The following GPC5 variants were observed in gnomAD, a reference collection of about 807,000 sequenced individuals.
The protein encoded by GPC5 is glypican-5.
GPC5 carries 47 observed loss-of-function variants against 53.9 expected under a neutral mutation model. That is an observed-to-expected ratio of 0.87 (90% CI 0.69 to 1.11). The LOEUF (loss-of-function observed/expected upper bound fraction) is 1.11, where lower values mean the gene tolerates loss of function less well. GPC5 is among the 50% of genes most tolerant of loss of function. The pLI is 0.00. For synonymous variants in GPC5, 286 were observed against 263.3 expected, an observed-to-expected ratio of 1.09 and a Z score of -0.84; for missense variants, 748 against 713.1, an observed-to-expected ratio of 1.05 and a Z score of -0.56.
chr13:92,104,255 G>T (rs1312870183), intron 6 of GPC5, among the ~76,000 whole-genome samples: 4 of 152,106 alleles, frequency 2.6e-5, no homozygotes. Flanking sequence ...GGTTTGTTTT[G>T]AAGGCTACCA....
intron 7 of GPC5, among the ~76,000 whole-genome samples, chr13:92,169,320 A>C (rs997252027): frequency 1.3e-5 from 2 of 152,244 alleles, no homozygotes; most frequent in Non-Finnish European, 2.9e-5. Context: ...CATCCTGTAC[A>C]TGTATCCTGG....
In GPC5 at chr13:91,639,977, A is replaced by T. The variant is rs566993157; in HGVS notation, c.326-53210A>T. ...AGGCTTGGGTTTTATTCACTATGTC[A>T]AGTTGTCCCTGTGTTGCTATATTTT... On this transcript the variant is annotated intron_variant, in intron 2 of 7. Coordinates refer to ENST00000377067, the MANE Select transcript of GPC5 (RefSeq NM_004466.6). Among the ~76,000 whole-genome samples the T allele has an allele frequency of 3.9e-4, 60 of 152,260 alleles. No individual in the cohort carries two copies. In the South Asian group the frequency reaches 9.8e-3, roughly 25 times the overall value.
chr13:91,610,509 C>T (rs2033514867), intron 2 of GPC5, among the ~76,000 whole-genome samples: 1 of 152,130 alleles, frequency 6.6e-6, no homozygotes, highest in Non-Finnish European at 1.5e-5. Flanking sequence ...TCAAATGTGA[C>T]AGTAGTTTTG....
intron 7 of GPC5, chr13:92,339,827 A>G (rs962703174): frequency 6.6e-6 from 1 of 152,110 alleles, no homozygotes; most frequent in Non-Finnish European, 1.5e-5. Context: ...TAAAGTAAGT[A>G]CCTATTTTCT....
chr13:91,728,528 A>G lies in GPC5; in HGVS notation c.1021-4A>G. 6.2e-7 allele frequency: 1 copy of G among 1,605,134 alleles called. No individual in the cohort carries two copies. The highest frequency in any genetic ancestry group is 8.5e-7 in the Non-Finnish European group (1 of 1,176,038). On this transcript the variant is annotated splice_region_variant and splice_polypyrimidine_tract_variant and intron_variant, in intron 3 of 7. Coordinates refer to ENST00000377067, the MANE Select transcript of GPC5 (RefSeq NM_004466.6). ...ACTACCTTTTAATGTTTTCTATTTAAAAGGTAAATAGGATTTGTGGCCGCC... is the reference window on the plus strand; with the variant it reads ...ACTACCTTTTAATGTTTTCTATTTAGAAGGTAAATAGGATTTGTGGCCGCC...
intron 5 of GPC5, among the ~76,000 whole-genome samples, chr13:91,793,414 A>G (rs2032899715): frequency 6.6e-6 from 1 of 152,136 alleles, no homozygotes; most frequent in Non-Finnish European, 1.5e-5. Flanking sequence ...AAACCATATC[A>G]GAAGGTAACA....
chr13:91,613,000 C>T (rs1370029643), intron 2 of GPC5, among the ~76,000 whole-genome samples: 1 of 152,094 alleles, frequency 6.6e-6, no homozygotes, highest in Non-Finnish European at 1.5e-5. Context: ...ATCCTGGATC[C>T]ACCACATATT....
chr13:92,760,019 T>A (rs934240545), intron 7 of GPC5, among the ~76,000 whole-genome samples: 1 of 152,150 alleles, frequency 6.6e-6, no homozygotes, highest in African/African-American at 2.4e-5. Flanking sequence ...TAACATTGAC[T>A]GATTTGCACA....
At chr13:92,342,111 A>T (rs531200566) in intron 7 of GPC5, among the ~76,000 whole-genome samples, 1 of 152,196 alleles carries the variant, frequency 6.6e-6, no homozygotes, top group African/African-American at 2.4e-5. Flanking sequence ...ACACACTTCC[A>T]GTGTCACTTT....
At chr13:91,645,742 C>G (rs2034543396) in intron 2 of GPC5, among the ~76,000 whole-genome samples, 1 of 152,204 alleles carries the variant, frequency 6.6e-6, no homozygotes, top group Non-Finnish European at 1.5e-5. Context: ...ACTTTGTCCT[C>G]TATGCTGATG....
intron 5 of GPC5, among the ~76,000 whole-genome samples, chr13:91,897,200 T>A (rs180866656): frequency 8.9e-4 from 136 of 152,272 alleles, no homozygotes; most frequent in African/African-American, 3.1e-3. Context: ...AATATTTTTT[T>A]AAAATAGTAA....
At chr13:91,917,164 A>G (rs1199206178) in intron 6 of GPC5, among the ~76,000 whole-genome samples, 1 of 152,230 alleles carries the variant, frequency 6.6e-6, no homozygotes, top group Non-Finnish European at 1.5e-5. Flanking sequence ...CAATGGGGGT[A>G]CAGGCATTGG....
intron 7 of GPC5, among the ~76,000 whole-genome samples, chr13:92,842,132 A>T (rs1458821887): frequency 6.6e-6 from 1 of 152,168 alleles, no homozygotes; most frequent in African/African-American, 2.4e-5. Context: ...ACTTTCACAT[A>T]CACAAATATA....
chr13:91,654,160 G>T (rs940315213), intron 2 of GPC5, among the ~76,000 whole-genome samples: 1 of 152,108 alleles, frequency 6.6e-6, no homozygotes, highest in Non-Finnish European at 1.5e-5. Flanking sequence ...TGGATTCCTG[G>T]TTCCATATCG....
At chr13:92,646,242 T>C (rs1885762046) in intron 7 of GPC5, among the ~76,000 whole-genome samples, 1 of 152,130 alleles carries the variant, frequency 6.6e-6, no homozygotes, top group Non-Finnish European at 1.5e-5. Context: ...TTTTTTCATA[T>C]GATCACCAAG....
rs539521091 is a variant in GPC5, at chr13:92,234,093, A to G, written c.1561+89104A>G. 3.3e-5 allele frequency among the ~76,000 whole-genome samples: 5 copies of G among 152,220 alleles called. 1 individual carries two copies. In the South Asian group the frequency reaches 1.0e-3, roughly 32 times the overall value. ...TCTGGGTTGGTTCCAAGTCTTTGCT[A>G]TTGTGAATAGTGCTGCAATAAACAT... On this transcript the variant is annotated intron_variant, in intron 7 of 7. Coordinates refer to ENST00000377067, the MANE Select transcript of GPC5 (RefSeq NM_004466.6).
intron 7 of GPC5, among the ~76,000 whole-genome samples, chr13:92,206,137 CGTT>C (rs2042333670): frequency 7.1e-6 from 1 of 141,654 alleles, no homozygotes; most frequent in Non-Finnish European, 1.5e-5. Flanking sequence ...TTGTTGTTAT[CGTT>C]GTTGTGTTTT....
At chr13:92,431,535 A>G (rs528191542) in intron 7 of GPC5, among the ~76,000 whole-genome samples, 1 of 152,248 alleles carries the variant, frequency 6.6e-6, no homozygotes, top group African/African-American at 2.4e-5. Flanking sequence ...GCTCTGAAAT[A>G]TGAAAAACAT....
rs2040614581 is a variant in GPC5 at position 92,007,136 on chromosome 13, C to T, written c.1401+99079C>T. 3.9e-5 allele frequency among the ~76,000 whole-genome samples: 6 copies of T among 152,236 alleles called. No homozygotes were observed. In the South Asian group the frequency reaches 1.2e-3, roughly 32 times the overall value. ...GACATTTCATTCCAGGGAAAATATT[C>T]TTAGCTGTTTTCACAATTTACTCTC... On this transcript the variant is annotated intron_variant, in intron 6 of 7. Transcript: ENST00000377067.
Sources: allele counts gnomAD v4.1 joint callset (sites outside exome capture counted in the v4.1 genomes callset), GRCh38; gene constraint gnomAD v4.1.1; transcripts MANE v1.5; gene names NCBI Gene and HGNC (gene_info 2026-07-23, HGNC 2026-07-21).